Variants in BMPER observed in about 807,000 individuals in gnomAD.
BMPER encodes the protein BMP-binding endothelial regulator protein.
Under a neutral mutation model 87.3 loss-of-function variants are expected in BMPER, and 45 were observed. The observed-to-expected ratio is 0.52, with a 90% CI of 0.41 to 0.66. BMPER has a LOEUF of 0.66. Among genes scored for constraint, BMPER ranks in the 30% least tolerant of loss-of-function variants. The pLI, the probability that BMPER is intolerant of heterozygous loss-of-function variation, is 0.00. For missense variants in BMPER, 784 were observed against 867.5 expected (o/e 0.90, Z 1.21); for synonymous variants, 326 against 316.2 (o/e 1.03, Z -0.33).
chr7:33,997,140 G>A (rs1283063804), intron 6 of BMPER, among the ~76,000 whole-genome samples: 1 of 152,190 alleles, frequency 6.6e-6, no homozygotes, highest in Non-Finnish European at 1.5e-5. Flanking sequence ...AGATCAGGAT[G>A]AAAGTGAAAG....
In BMPER at chr7:33,905,638, G is replaced by T. The variant is rs775069844; in HGVS notation, c.25G>T (p.Ala9Ser). Reference sequence around the variant, plus strand: ...GATGCTCTGGTTCTCCGGCGTCGGGGCTCTGGCTGAGCGTTACTGCCGCCG... The same window carrying T: ...GATGCTCTGGTTCTCCGGCGTCGGGTCTCTGGCTGAGCGTTACTGCCGCCG... MLWFSGVG[A>S]LAERYCRRSP... The change falls in exon 1 of 15, where the codon GCT (alanine) becomes TCT (serine). Residue 9 changes from alanine (A) to serine (S), a missense_variant. By Grantham distance (99) the Ala-to-Ser change is moderately conservative. Transcript: ENST00000649409. 2 of 1,613,106 alleles carry T rather than the reference G, an allele frequency of 1.2e-6. No homozygotes were observed. Among genetic ancestry groups the T allele is most frequent in the Non-Finnish European group, 8.5e-7 (1 of 1,179,924 alleles).
chr7:34,120,578 C>T (rs1011515759), intron 13 of BMPER, among the ~76,000 whole-genome samples: 4 of 151,994 alleles, frequency 2.6e-5, no homozygotes, highest in Admixed American at 6.6e-5. Flanking sequence ...TTGTGTTTTT[C>T]GTAGAGATGA....
intron 13 of BMPER, among the ~76,000 whole-genome samples, chr7:34,095,526 CTT>C (rs1789505874): frequency 6.6e-6 from 1 of 152,144 alleles, no homozygotes; most frequent in Non-Finnish European, 1.5e-5. Context: ...GCCCTATTGC[CTT>C]CTCCTCATTG....
At chr7:33,931,808 T>C (rs571115994) in intron 2 of BMPER, among the ~76,000 whole-genome samples, 6 of 152,216 alleles carry the variant, frequency 3.9e-5, no homozygotes, top group Non-Finnish European at 7.3e-5. Flanking sequence ...TGGACCACTA[T>C]TGTGTAAGTT....
chr7:34,037,501 T>A (rs1787712290), intron 6 of BMPER, among the ~76,000 whole-genome samples: 1 of 151,602 alleles, frequency 6.6e-6, no homozygotes, highest in African/African-American at 2.4e-5. Flanking sequence ...ATAGCAAACA[T>A]GGTTAAACTC....
chr7:34,048,044 CT>C (rs1227347834), intron 7 of BMPER, among the ~76,000 whole-genome samples: 1 of 151,720 alleles, frequency 6.6e-6, no homozygotes, highest in African/African-American at 2.4e-5. Context: ...GAGAATTTTA[CT>C]GATTGTCCCT....
chr7:33,939,635 G>T (rs185526492), intron 3 of BMPER, among the ~76,000 whole-genome samples: 2 of 152,076 alleles, frequency 1.3e-5, no homozygotes, highest in Non-Finnish European at 2.9e-5. Context: ...TGCTGTTCTC[G>T]TGCTGTTCAC....
At chr7:34,023,595 T>C (rs899269364) in intron 6 of BMPER, among the ~76,000 whole-genome samples, 1 of 152,056 alleles carries the variant, frequency 6.6e-6, no homozygotes, top group African/African-American at 2.4e-5. Context: ...TTAAATCATC[T>C]TCAAATCTTC....
chr7:33,920,094 T>A (rs909473566), intron 2 of BMPER, among the ~76,000 whole-genome samples: 1 of 152,206 alleles, frequency 6.6e-6, no homozygotes, highest in Non-Finnish European at 1.5e-5. Context: ...AAATGGAGCC[T>A]GAACACTAGT....
intron 12 of BMPER, among the ~76,000 whole-genome samples, chr7:34,083,797 C>T (rs902485347): frequency 4.6e-5 from 7 of 152,066 alleles, no homozygotes; most frequent in African/African-American, 1.7e-4. Flanking sequence ...CTCTCTCTCT[C>T]TCCTTCCCTC....
intron 13 of BMPER, among the ~76,000 whole-genome samples, chr7:34,114,630 A>C (rs1251547729): frequency 6.6e-6 from 1 of 152,232 alleles, no homozygotes; most frequent in Non-Finnish European, 1.5e-5. Flanking sequence ...TGATAAGTGC[A>C]AAATGTCATG....
rs1585806934 is a variant in BMPER at position 34,077,275 on chromosome 7, GA to G, written c.1079-1580del. 2.0e-5 allele frequency among the ~76,000 whole-genome samples: 3 copies of G among 152,232 alleles called. No homozygotes were observed. The East Asian group carries it at 5.8e-4, about 30-fold the overall frequency. On this transcript the variant is annotated intron_variant, in intron 11 of 14. Transcript: ENST00000649409. Reference sequence around the variant, plus strand: ...CACTCTGAAGAGGTTAGATAGCTGGGAACTAGTTGAGAAGATATGGAGTTAG... The same window carrying G: ...CACTCTGAAGAGGTTAGATAGCTGGGACTAGTTGAGAAGATATGGAGTTAG...
At chr7:33,909,384 A>G (rs1783898362) in intron 2 of BMPER, among the ~76,000 whole-genome samples, 1 of 152,124 alleles carries the variant, frequency 6.6e-6, no homozygotes, top group African/African-American at 2.4e-5. Context: ...AAATTATTTT[A>G]CCTTTTGGCG....
Position 34,153,364 on chromosome 7 carries a change from A to G in BMPER, c.*91A>G. The G allele has an allele frequency of 1.5e-6, 2 of 1,346,520 alleles. No homozygotes were observed. Among genetic ancestry groups the G allele is most frequent in the Non-Finnish European group, 2.1e-6 (2 of 941,610 alleles). 83.4% of individuals were successfully genotyped at this position (1,346,520 alleles called of 1,614,324 possible). A position where few individuals can be genotyped will look rare whatever the true frequency, so the allele number is the denominator to read the frequency against. ...AAGGACTGCAGTATTTGTGTGCCCG[A>G]TTCTGTAAACACACACACACAGAGT... On this transcript the variant is annotated 3_prime_UTR_variant, in exon 15 of 15. Transcript: ENST00000649409.
chr7:33,965,126 G>T (rs1398460314), intron 3 of BMPER, among the ~76,000 whole-genome samples: 2 of 152,096 alleles, frequency 1.3e-5, no homozygotes. Flanking sequence ...GTGTGCTAGG[G>T]GTTCCTGTGG....
chr7:34,015,881 A>G, intron 6 of BMPER, among the ~76,000 whole-genome samples: 1 of 151,860 alleles, frequency 6.6e-6, no homozygotes, highest in East Asian at 2.0e-4. Context: ...CCTGAAAAAT[A>G]ACATATGTTT....
chr7:33,971,777 A>C (rs1785553579), intron 5 of BMPER, among the ~76,000 whole-genome samples: 1 of 152,232 alleles, frequency 6.6e-6, no homozygotes, highest in Admixed American at 6.5e-5. Flanking sequence ...CTCCCAGATA[A>C]TTTCTGTACA....
intron 2 of BMPER, among the ~76,000 whole-genome samples, chr7:33,916,611 G>A (rs1784092012): frequency 3.3e-5 from 5 of 152,204 alleles, no homozygotes; most frequent in Admixed American, 2.0e-4. Context: ...TTCTGTGCTT[G>A]GGACTAGAAG....
chr7:33,936,208 A>G (rs1240605634), intron 2 of BMPER, among the ~76,000 whole-genome samples: 2 of 152,162 alleles, frequency 1.3e-5, no homozygotes, highest in African/African-American at 4.8e-5. Flanking sequence ...CTTCTTTATT[A>G]ATACATATGC....
Sources: gnomAD v4.1 joint callset for allele counts (sites outside exome capture counted in the v4.1 genomes callset) on GRCh38, gnomAD v4.1.1 for gene constraint, MANE v1.5 for transcripts, NCBI Gene and HGNC (gene_info 2026-07-23, HGNC 2026-07-21) for gene names.